ATE1: variants seen among roughly 807,000 people sequenced by gnomAD.
ATE1 encodes the protein arginyl-tRNA--protein transferase 1.
ATE1 carries 36 observed loss-of-function variants against 70.5 expected under a neutral mutation model. The ratio of observed to expected loss-of-function variants is 0.51; its 90% CI spans 0.39 to 0.67. The LOEUF (loss-of-function observed/expected upper bound fraction) is 0.67, where lower values mean the gene tolerates loss of function less well. Ranked by LOEUF, ATE1 falls within the 30% of genes least tolerant of loss-of-function variation. The pLI is 0.00. For missense variants in ATE1, 593 were observed against 629.5 expected, an observed-to-expected ratio of 0.94 and a Z score of 0.62; for synonymous variants, 232 against 219.3, an observed-to-expected ratio of 1.06 and a Z score of -0.51.
intron 3 of ATE1, among the ~76,000 whole-genome samples, chr10:121,920,471 A>G (rs1175437141): frequency 6.6e-6 from 1 of 151,798 alleles, no homozygotes; most frequent in Non-Finnish European, 1.5e-5. Context: ...GGCAGGCTGC[A>G]GTGAGCCATG....
intron 10 of ATE1, among the ~76,000 whole-genome samples, chr10:121,791,772 AT>A (rs1331316043): frequency 1.4e-4 from 21 of 152,188 alleles, no homozygotes; most frequent in Middle Eastern, 3.2e-3. Context: ...GTTCTAGTCT[AT>A]TTTATTTCAT....
At chr10:121,903,623 G>A (rs189910233) in intron 5 of ATE1, among the ~76,000 whole-genome samples, 9 of 152,132 alleles carry the variant, frequency 5.9e-5, no homozygotes, top group African/African-American at 2.2e-4. Flanking sequence ...GGAGGCAGAG[G>A]TTGTGCTGAG....
At chr10:121,838,404 T>C (rs1948507933) in intron 9 of ATE1, among the ~76,000 whole-genome samples, 1 of 152,026 alleles carries the variant, frequency 6.6e-6, no homozygotes, top group African/African-American at 2.4e-5. Flanking sequence ...TAAGGCTCTC[T>C]ACGTCCTTCC....
At chr10:121,904,161 T>C (rs1951095626) in intron 5 of ATE1, among the ~76,000 whole-genome samples, 1 of 151,618 alleles carries the variant, frequency 6.6e-6, no homozygotes, top group Admixed American at 6.6e-5. Flanking sequence ...TTTTTGTATT[T>C]TCAGTAGAGA....
At chr10:121,847,462 T>G (rs1402161911) in intron 8 of ATE1, among the ~76,000 whole-genome samples, 1 of 139,136 alleles carries the variant, frequency 7.2e-6, no homozygotes, top group Non-Finnish European at 1.6e-5. Context: ...ATAGTAATAA[T>G]AATAATAATA....
intron 10 of ATE1, among the ~76,000 whole-genome samples, chr10:121,808,587 T>G (rs1028043234): frequency 1.3e-5 from 2 of 152,208 alleles, no homozygotes; most frequent in Non-Finnish European, 2.9e-5. Context: ...TATCCACTTG[T>G]TAGACCTATT....
intron 7 of ATE1, among the ~76,000 whole-genome samples, chr10:121,884,849 A>ACTTGAC (rs1225654407): frequency 1.2e-4 from 18 of 152,360 alleles, no homozygotes; most frequent in Non-Finnish European, 2.4e-4. Context: ...CACAGACTAC[A>ACTTGAC]ATACACAAGT....
intron 11 of ATE1, among the ~76,000 whole-genome samples, chr10:121,754,819 C>T (rs1338357702): frequency 1.3e-5 from 2 of 152,154 alleles, no homozygotes; most frequent in Non-Finnish European, 2.9e-5. Context: ...TCCACTTCCC[C>T]AAGTGATAAA....
intron 10 of ATE1, among the ~76,000 whole-genome samples, chr10:121,805,641 C>A (rs2133414107): frequency 6.6e-6 from 1 of 152,322 alleles, no homozygotes; most frequent in African/African-American, 2.4e-5. Flanking sequence ...AATGTATTTA[C>A]AGTTCAACTG....
At chr10:121,800,633 A>C (rs1422625128) in intron 10 of ATE1, among the ~76,000 whole-genome samples, 2 of 152,188 alleles carry the variant, frequency 1.3e-5, no homozygotes, top group Non-Finnish European at 2.9e-5. Context: ...ATACACACAC[A>C]CACAGCCACT....
intron 7 of ATE1, among the ~76,000 whole-genome samples, chr10:121,889,681 C>T (rs952686097): frequency 6.6e-6 from 1 of 152,056 alleles, no homozygotes; most frequent in Non-Finnish European, 1.5e-5. Flanking sequence ...TGGTGGTCCA[C>T]TCCTGTAGTC....
chr10:121,830,882 T>C (rs1430350634), intron 10 of ATE1, among the ~76,000 whole-genome samples: 14 of 152,304 alleles, frequency 9.2e-5, no homozygotes, highest in Middle Eastern at 3.4e-3. Context: ...GAACGTAATA[T>C]ATTGGAAAAA....
chr10:121,870,215 C>T (rs570612978), intron 7 of ATE1, among the ~76,000 whole-genome samples, 177 bp from the exon 8 acceptor site: 95 of 152,132 alleles, frequency 6.2e-4, no homozygotes, highest in Admixed American at 1.2e-3. Flanking sequence ...AAGGTTCAGC[C>T]TAGTCCATAG....
At chr10:121,894,266 C>T (rs1293086070) in intron 7 of ATE1, among the ~76,000 whole-genome samples, 1 of 151,394 alleles carries the variant, frequency 6.6e-6, no homozygotes, top group Non-Finnish European at 1.5e-5. Context: ...ACTGATTTAA[C>T]ACTTCAATGA....
intron 10 of ATE1, among the ~76,000 whole-genome samples, chr10:121,799,309 C>G (rs1024721910): frequency 5.9e-5 from 9 of 152,150 alleles, no homozygotes; most frequent in African/African-American, 1.9e-4. Flanking sequence ...GCAACAAGAG[C>G]TGTCAACAAG....
chr10:121,772,088 C>T (rs1482141246), intron 11 of ATE1, among the ~76,000 whole-genome samples: 1 of 152,178 alleles, frequency 6.6e-6, no homozygotes, highest in East Asian at 1.9e-4. Flanking sequence ...GAATTTTATA[C>T]TTTGTATACC....
chr10:121,812,908 T>C (rs1159856331), intron 10 of ATE1, among the ~76,000 whole-genome samples: 1 of 152,186 alleles, frequency 6.6e-6, no homozygotes, highest in Non-Finnish European at 1.5e-5. Context: ...TTTTCATTGA[T>C]ATAGGCCAAA....
At chr10:121,763,173 A>T (rs1046783318) in intron 11 of ATE1, among the ~76,000 whole-genome samples, 1 of 152,242 alleles carries the variant, frequency 6.6e-6, no homozygotes, top group African/African-American at 2.4e-5. Flanking sequence ...AGCAAAATTG[A>T]AAACCTAAAA....
At chr10:121,887,595 A>C (rs908803793) in intron 7 of ATE1, among the ~76,000 whole-genome samples, 1 of 152,140 alleles carries the variant, frequency 6.6e-6, no homozygotes, top group Non-Finnish European at 1.5e-5. Context: ...ACTCCTAGCT[A>C]CTTAGGAGGC....
Sources: gnomAD v4.1 joint callset for allele counts (sites outside exome capture counted in the v4.1 genomes callset) on GRCh38, gnomAD v4.1.1 for gene constraint, MANE v1.5 for transcripts, NCBI Gene and HGNC (gene_info 2026-07-23, HGNC 2026-07-21) for gene names.